KATNIP: variants seen among roughly 807,000 people sequenced by gnomAD.
KATNIP encodes katanin interacting protein.
In KATNIP, 126 loss-of-function variants were observed where a neutral mutation model predicts 174.0. The ratio of observed to expected loss-of-function variants is 0.72; its 90% CI spans 0.63 to 0.84. KATNIP has a LOEUF of 0.84. Ranked by LOEUF, KATNIP falls within the 40% of genes least tolerant of loss-of-function variation. The probability of loss-of-function intolerance (pLI) is 0.00; values close to 1 mark genes in which losing one functional copy is unlikely to be tolerated. For synonymous variants in KATNIP, 810 were observed against 835.7 expected, an observed-to-expected ratio of 0.97 and a Z score of 0.53; for missense variants, 1,958 against 2,109.7, an observed-to-expected ratio of 0.93 and a Z score of 1.41.
chr16:27,613,067 C>T (rs1296561128), intron 2 of KATNIP, among the ~76,000 whole-genome samples: 2 of 151,630 alleles, frequency 1.3e-5, no homozygotes, highest in South Asian at 2.1e-4. Context: ...GAGACCAGCC[C>T]GGGCAACACG....
At chr16:27,667,449 A>G (rs2077725049) in intron 6 of KATNIP, among the ~76,000 whole-genome samples, 1 of 152,236 alleles carries the variant, frequency 6.6e-6, no homozygotes, top group Non-Finnish European at 1.5e-5. Flanking sequence ...AAAATGCCTC[A>G]TATAGTACAA....
At chr16:27,642,051 G>A (rs1227795544) in intron 5 of KATNIP, among the ~76,000 whole-genome samples, 2 of 152,224 alleles carry the variant, frequency 1.3e-5, no homozygotes, top group Non-Finnish European at 2.9e-5. Flanking sequence ...TGGGGAGGAG[G>A]GAGGAGCATG....
At chr16:27,578,196 G>A (rs563784109) in intron 2 of KATNIP, among the ~76,000 whole-genome samples, 7 of 152,190 alleles carry the variant, frequency 4.6e-5, no homozygotes, top group East Asian at 1.9e-4. Flanking sequence ...AGCCAGGCGT[G>A]GTGGTACATG....
chr16:27,773,176 G>T lies in KATNIP; in HGVS notation c.4276G>T (p.Glu1426Ter). Residue 1426 changes from glutamate (E) to a stop codon, truncating the protein, a stop_gained, in exon 23 of 28, where the codon GAG (glutamate) becomes TAG (stop). Transcript: ENST00000261588. LOFTEE classifies it high-confidence loss of function. ...IGLTGLELYD[E>*]RGEKIPLSEN... ...CCTCACCGGCCTGGAGCTGTATGAC[G>T]AGCGAGGAGAAAAAATCCCCTTGTC... The T allele has an allele frequency of 6.2e-7, 1 of 1,611,710 alleles. No individual in the cohort carries two copies. Among genetic ancestry groups the T allele is most frequent in the Non-Finnish European group, 8.5e-7 (1 of 1,178,788 alleles).
At position 27,740,709 on chromosome 16, in the gene KATNIP, G is replaced by A; in HGVS notation, c.2412G>A (p.Arg804=). The change falls in exon 15 of 28, where the codon AGG becomes AGA. Residue 804 remains arginine (R), a synonymous_variant. Transcript: ENST00000261588. ...AGGGTCCTGGAGAGACCGAGGCCAGGGATAAAGGCCTACGGCATGAGCCAG... is the reference window on the plus strand; with the variant it reads ...AGGGTCCTGGAGAGACCGAGGCCAGAGATAAAGGCCTACGGCATGAGCCAG... ...IGEGPGETEA[R]DKGLRHEPGW... is the part of the protein sequence containing the mutation. The A allele has an allele frequency of 2.5e-6, 4 of 1,614,204 alleles. No homozygotes were observed. The highest frequency in any genetic ancestry group is 3.4e-6 in the Non-Finnish European group (4 of 1,180,030).
At chr16:27,761,807 T>C (rs1033597817) in intron 19 of KATNIP, among the ~76,000 whole-genome samples, 7 of 152,120 alleles carry the variant, frequency 4.6e-5, no homozygotes, top group African/African-American at 1.7e-4. Context: ...CAGCTGGAAG[T>C]GTCAGGCGGG....
intron 2 of KATNIP, among the ~76,000 whole-genome samples, chr16:27,604,671 T>C (rs568544466): frequency 6.6e-6 from 1 of 152,336 alleles, no homozygotes; most frequent in African/African-American, 2.4e-5. Context: ...CAGCCAATAC[T>C]GAAGAAATGC....
intron 2 of KATNIP, among the ~76,000 whole-genome samples, chr16:27,579,876 C>T (rs1463632964): frequency 6.6e-6 from 1 of 152,020 alleles, no homozygotes; most frequent in Non-Finnish European, 1.5e-5. Context: ...TACACACACA[C>T]ACACCTTCCT....
intron 14 of KATNIP, among the ~76,000 whole-genome samples, chr16:27,730,239 G>A (rs1199388891): frequency 6.6e-6 from 1 of 152,242 alleles, no homozygotes; most frequent in Non-Finnish European, 1.5e-5. Flanking sequence ...ACTTCCGCTG[G>A]ATCACATGAT....
intron 3 of KATNIP, among the ~76,000 whole-genome samples, chr16:27,626,809 T>A (rs910384677): frequency 1.5e-4 from 22 of 150,162 alleles, no homozygotes; most frequent in African/African-American, 4.7e-4. Context: ...AAAAAAAAAA[T>A]TAGCTAGGTG....
intron 14 of KATNIP, among the ~76,000 whole-genome samples, chr16:27,739,641 A>G (rs2081026500): frequency 1.3e-5 from 2 of 152,214 alleles, no homozygotes; most frequent in Admixed American, 1.3e-4. Flanking sequence ...AGGCTGTGAA[A>G]AAACATGAAG....
At chr16:27,742,562 C>A (rs1418355521) in intron 15 of KATNIP, among the ~76,000 whole-genome samples, 1 of 152,216 alleles carries the variant, frequency 6.6e-6, no homozygotes, top group Non-Finnish European at 1.5e-5. Context: ...GCTGCCTGGG[C>A]ACGTATCCTG....
chr16:27,556,641 C>G (rs2089640148), intron 1 of KATNIP, among the ~76,000 whole-genome samples: 1 of 152,178 alleles, frequency 6.6e-6, no homozygotes, highest in South Asian at 2.1e-4. Context: ...TAATCCCAGA[C>G]TGCAAACAGG....
intron 10 of KATNIP, 59 bp from the exon 11 acceptor site, chr16:27,701,530 G>A: frequency 1.5e-6 from 2 of 1,329,948 alleles, no homozygotes; most frequent in Non-Finnish European, 2.1e-6. Flanking sequence ...TGACCCTGCT[G>A]TGTCTTAGGC....
At chr16:27,582,512 T>C (rs2090737401) in intron 2 of KATNIP, among the ~76,000 whole-genome samples, 1 of 152,220 alleles carries the variant, frequency 6.6e-6, no homozygotes, top group African/African-American at 2.4e-5. Flanking sequence ...TCTCTGCAGC[T>C]TTGAGAACTT....
At position 27,740,577 on chromosome 16, in the gene KATNIP, C is replaced by G. The variant is rs777854239; in HGVS notation, c.2280C>G (p.Thr760=). 1 of 1,614,180 alleles carries G rather than the reference C, an allele frequency of 6.2e-7. No individual in the cohort carries two copies. The highest frequency in any genetic ancestry group is 1.7e-5 in the Admixed American group (1 of 60,022). Residue 760 remains threonine, a synonymous_variant, in exon 15 of 28, where the codon ACC becomes ACG. Transcript: ENST00000261588. ...KTPSWLQPSP[T]GKDRKQGGRK... is the part of the protein sequence containing the mutation. ...CATCCTGGTTACAACCTTCTCCCACCGGCAAGGACAGGAAGCAGGGAGGCA... is the reference window on the plus strand; with the variant it reads ...CATCCTGGTTACAACCTTCTCCCACGGGCAAGGACAGGAAGCAGGGAGGCA...
chr16:27,657,951 A>G (rs2077352817), intron 6 of KATNIP, among the ~76,000 whole-genome samples: 2 of 152,274 alleles, frequency 1.3e-5, no homozygotes, highest in East Asian at 1.9e-4. Flanking sequence ...GATTGTATCA[A>G]TGTAGTTTCC....
chr16:27,707,113 C>A (rs935409753), intron 12 of KATNIP, among the ~76,000 whole-genome samples: 12 of 152,224 alleles, frequency 7.9e-5, no homozygotes, highest in African/African-American at 2.9e-4. Context: ...CCCCTCCAAA[C>A]ACACACTGAG....
At chr16:27,561,292 G>C (rs2089872881) in intron 1 of KATNIP, among the ~76,000 whole-genome samples, 2 of 152,022 alleles carry the variant, frequency 1.3e-5, no homozygotes, top group African/African-American at 4.8e-5. Context: ...CAAAGTGTTG[G>C]GATTACAGGC....
Sources: allele counts gnomAD v4.1 joint callset (sites outside exome capture counted in the v4.1 genomes callset), GRCh38; gene constraint gnomAD v4.1.1; transcripts MANE v1.5; gene names NCBI Gene and HGNC (gene_info 2026-07-23, HGNC 2026-07-21).